SLC9A1: variants seen among roughly 807,000 people sequenced by gnomAD.
The protein encoded by SLC9A1 is sodium/hydrogen exchanger 1.
In SLC9A1, 22 loss-of-function variants were observed where a neutral mutation model predicts 67.9. That is an observed-to-expected ratio of 0.32 (90% CI 0.23 to 0.46). The LOEUF (loss-of-function observed/expected upper bound fraction) is 0.46. SLC9A1 is among the 20% of genes least tolerant of loss of function. The pLI, the probability that SLC9A1 is intolerant of heterozygous loss-of-function variation, is 1.00. For synonymous variants in SLC9A1, 421 were observed against 471.8 expected (o/e 0.89, Z 1.40); for missense variants, 686 against 1,094.8 (o/e 0.63, Z 5.27).
chr1:27,148,809 G>C (rs1182383745), intron 1 of SLC9A1, among the ~76,000 whole-genome samples: 2 of 152,138 alleles, frequency 1.3e-5, no homozygotes. Flanking sequence ...AGGGGACTCT[G>C]CTGGGCCCTG....
chr1:27,127,100 A>G (rs1455126410), intron 1 of SLC9A1, among the ~76,000 whole-genome samples: 1 of 152,150 alleles, frequency 6.6e-6, no homozygotes, highest in East Asian at 1.9e-4. Flanking sequence ...TCCTGGGCTC[A>G]AGTGATTCTC....
chr1:27,105,645 A>G (rs989596765), intron 5 of SLC9A1: 1 of 692,680 alleles, frequency 1.4e-6, no homozygotes, highest in Non-Finnish European at 2.7e-6. Flanking sequence ...TAAGTTGGGC[A>G]GCATTCTGGT....
At position 27,098,864 on chromosome 1, in the gene SLC9A1, G is replaced by C. The variant is rs919562410; in HGVS notation, c.*1443C>G. ...ATATGAAAAAGATTCAGTTTCTTCTGTACAGGCAGCAGAGTGGCAGCAGCT... is the reference window on the plus strand; with the variant it reads ...ATATGAAAAAGATTCAGTTTCTTCTCTACAGGCAGCAGAGTGGCAGCAGCT... On this transcript the variant is annotated 3_prime_UTR_variant, in exon 12 of 12. Transcript: ENST00000263980. 1 of 152,596 alleles carries C rather than the reference G, an allele frequency of 6.6e-6. No homozygotes were observed. The highest frequency in any genetic ancestry group is 1.9e-4 in the East Asian group (1 of 5,198). 9.5% of individuals were successfully genotyped at this position (152,596 alleles called of 1,614,324 possible).
chr1:27,121,993 A>G (rs1352252738), intron 1 of SLC9A1, among the ~76,000 whole-genome samples: 1 of 152,168 alleles, frequency 6.6e-6, no homozygotes, highest in East Asian at 1.9e-4. Context: ...GTGTGCGCCT[A>G]TAGTCCTAGC....
chr1:27,138,357 C>T (rs1224267039), intron 1 of SLC9A1, among the ~76,000 whole-genome samples: 1 of 152,226 alleles, frequency 6.6e-6, no homozygotes, highest in African/African-American at 2.4e-5. Context: ...TCCAGCAGCC[C>T]CACCTCTCCC....
intron 1 of SLC9A1, among the ~76,000 whole-genome samples, chr1:27,145,829 C>T (rs551483879): frequency 1.2e-4 from 18 of 152,260 alleles, no homozygotes; most frequent in African/African-American, 2.6e-4. Context: ...ACCCCAAAAT[C>T]GGCTCTGTAT....
intron 1 of SLC9A1, among the ~76,000 whole-genome samples, chr1:27,128,989 T>TGCAC (rs1183310820): frequency 1.3e-5 from 2 of 151,812 alleles, no homozygotes; most frequent in Admixed American, 6.6e-5. Flanking sequence ...AACAAATGCA[T>TGCAC]GCACGCACGC....
At chr1:27,150,726 A>T (rs930552891) in intron 1 of SLC9A1, among the ~76,000 whole-genome samples, 1 of 152,168 alleles carries the variant, frequency 6.6e-6, no homozygotes, top group African/African-American at 2.4e-5. Context: ...TCAGAGGTAG[A>T]CTAGAACCCA....
intron 1 of SLC9A1, among the ~76,000 whole-genome samples, chr1:27,146,388 C>T (rs1553121175): frequency 6.6e-6 from 1 of 152,128 alleles, no homozygotes; most frequent in Non-Finnish European, 1.5e-5. Context: ...TTCCCCAAAC[C>T]CAAGAAGTGA....
chr1:27,129,342 C>T (rs1429839360), intron 1 of SLC9A1, among the ~76,000 whole-genome samples: 2 of 152,160 alleles, frequency 1.3e-5, no homozygotes, highest in African/African-American at 4.8e-5. Context: ...TCCTCTCCCA[C>T]CACACTGGGG....
chr1:27,101,858 G>A lies in SLC9A1; in HGVS notation c.1936-32C>T, dbSNP rs1263920581. 7 of 1,542,106 alleles carry A rather than the reference G, an allele frequency of 4.5e-6. No individual in the cohort carries two copies. The highest frequency in any genetic ancestry group is 6.3e-6 in the Non-Finnish European group (7 of 1,118,086). On this transcript the variant is annotated intron_variant, in intron 9 of 11. Coordinates refer to ENST00000263980, the MANE Select transcript of SLC9A1 (RefSeq NM_003047.5). This position sits in a 1 kb window ranked among gnomAD's most constrained non-coding sequence, Gnocchi z 4.9. The stretch of plus-strand genomic sequence containing the variant: ...GAGGGACAGCGTCAGGGCAGTGCGG[G>A]CCCCGGAAGGCTCTGCTCATGGAGG...
rs780879474 is a variant in SLC9A1, at chr1:27,106,119, A to C, written c.1283-32T>G. 1 of 1,475,278 alleles carries C rather than the reference A, an allele frequency of 6.8e-7. No homozygotes were observed. The highest frequency in any genetic ancestry group is 1.7e-5 in the Admixed American group (1 of 58,872). The allele number at this position is 1,475,278 out of a possible 1,614,324, so 91.4% of individuals were successfully genotyped here. On this transcript the variant is annotated intron_variant, in intron 4 of 11. Coordinates refer to ENST00000263980, the MANE Select transcript of SLC9A1 (RefSeq NM_003047.5). This position sits in a 1 kb window ranked among gnomAD's most constrained non-coding sequence, Gnocchi z 4.3. ...GGGAAGGCAGGGGGTGATGAGGGTC[A>C]GGTCGGGCTGTCCCCAGTCCCTCCT...
Position 27,114,164 on chromosome 1 carries a change from C to A in SLC9A1, c.475G>T (p.Asp159Tyr). Residue 159 changes from aspartate (D) to tyrosine (Y), a missense_variant, in exon 2 of 12, where the codon GAC becomes TAC. Asp to Tyr is a radical substitution (Grantham distance 160). Transcript: ENST00000263980. This position sits in a 1 kb window ranked among gnomAD's most constrained non-coding sequence, Gnocchi z 5.4. ...GGCAGCAGGAAGAGGAAGAAGACGT[C>A]GGACTGCAGGAAGGGGGGTGTCTCG... ...VGETPPFLQS[D>Y]VFFLFLLPPI... 1 of 1,614,178 alleles carries A rather than the reference C, an allele frequency of 6.2e-7. No homozygotes were observed. The highest frequency in any genetic ancestry group is 8.5e-7 in the Non-Finnish European group (1 of 1,180,026).
At position 27,100,687 on chromosome 1, in the gene SLC9A1, G is replaced by T; in HGVS notation, c.2111-43C>A. ...GGCACAAGCTGGGTTCCGCTCTGGA[G>T]CCCGGCCCAGCACGTGCCACTCGGC... On this transcript the variant is annotated intron_variant, in intron 11 of 11. Coordinates refer to ENST00000263980, the MANE Select transcript of SLC9A1 (RefSeq NM_003047.5). The surrounding 1 kb of genome is among the most constrained non-coding windows in gnomAD (Gnocchi z 5.6). 1 of 1,510,496 alleles carries T rather than the reference G, an allele frequency of 6.6e-7. No individual in the cohort carries two copies. The highest frequency in any genetic ancestry group is 9.0e-7 in the Non-Finnish European group (1 of 1,109,002). 93.6% of individuals were successfully genotyped at this position (1,510,496 alleles called of 1,614,324 possible). A position where few individuals can be genotyped will look rare whatever the true frequency, so the allele number is the denominator to read the frequency against.
rs1351315440 is a variant in SLC9A1 at position 27,131,938 on chromosome 1, G to GAAA, written c.353-17655_353-17653dup. Among the ~76,000 whole-genome samples, 336 of 34,964 alleles carry GAAA rather than the reference G, an allele frequency of 9.6e-3. 13 individuals carry two copies. The highest frequency in any genetic ancestry group is 0.032 in the African/African-American group (291 of 8,990). 22.9% of individuals were successfully genotyped at this position (34,964 alleles called of 152,430 possible). A position where few individuals can be genotyped will look rare whatever the true frequency, so the allele number is the denominator to read the frequency against. Reference sequence around the variant, plus strand: ...TCCGTCTCAAAAAGAAGAAGAAGAAGAAAAAAAAAATATATATATATATAT... The same window carrying GAAA: ...TCCGTCTCAAAAAGAAGAAGAAGAAGAAAAAAAAAAAAATATATATATATATAT... On this transcript the variant is annotated intron_variant, in intron 1 of 11. Coordinates refer to ENST00000263980, the MANE Select transcript of SLC9A1 (RefSeq NM_003047.5).
chr1:27,122,624 G>C (rs1000354051), intron 1 of SLC9A1, among the ~76,000 whole-genome samples: 2 of 152,126 alleles, frequency 1.3e-5, no homozygotes, highest in African/African-American at 4.8e-5. Context: ...CTGCAGCCTG[G>C]TTCTACCACC....
intron 1 of SLC9A1, among the ~76,000 whole-genome samples, chr1:27,123,075 T>A (rs1408843440): frequency 6.6e-6 from 1 of 152,180 alleles, no homozygotes; most frequent in African/African-American, 2.4e-5. Flanking sequence ...AAGACTCTCA[T>A]GGCTGGATTG....
intron 1 of SLC9A1, among the ~76,000 whole-genome samples, chr1:27,151,980 G>A (rs1285152943): frequency 6.6e-6 from 1 of 152,172 alleles, no homozygotes; most frequent in African/African-American, 2.4e-5. Flanking sequence ...AGAGTTTCCA[G>A]AGTCAGTGGA....
intron 1 of SLC9A1, among the ~76,000 whole-genome samples, chr1:27,153,365 A>G (rs917034596): frequency 6.6e-6 from 1 of 152,150 alleles, no homozygotes; most frequent in Non-Finnish European, 1.5e-5. Flanking sequence ...TGGGCCGGAA[A>G]TTGACTCAGG....
Sources: gnomAD v4.1 joint callset for allele counts (sites outside exome capture counted in the v4.1 genomes callset) on GRCh38, gnomAD v4.1.1 for gene constraint, Gnocchi (gnomAD v3.1) non-coding constraint, MANE v1.5 for transcripts, NCBI Gene and HGNC (gene_info 2026-07-23, HGNC 2026-07-21) for gene names.